EPHB1: variants seen among roughly 807,000 people sequenced by gnomAD.
EPHB1 encodes the protein EPH receptor B1.
Under a neutral mutation model 94.4 loss-of-function variants are expected in EPHB1, and 30 were observed. The observed-to-expected ratio is 0.32, with a 90% CI of 0.24 to 0.43. EPHB1 has a LOEUF of 0.43. Ranked by LOEUF, EPHB1 falls within the 20% of genes least tolerant of loss-of-function variation. The pLI, the probability that EPHB1 is intolerant of heterozygous loss-of-function variation, is 1.00. For missense variants in EPHB1, 1,055 were observed against 1,308.3 expected, an observed-to-expected ratio of 0.81 and a Z score of 2.99; for synonymous variants, 522 against 489.1, an observed-to-expected ratio of 1.07 and a Z score of -0.89.
At chr3:134,990,080 C>T (rs188785642) in intron 3 of EPHB1, among the ~76,000 whole-genome samples, 12 of 152,144 alleles carry the variant, frequency 7.9e-5, no homozygotes, top group African/African-American at 2.7e-4. Flanking sequence ...TTTCTCCTTA[C>T]CAAATTCATT....
chr3:135,241,445 A>G, intron 13 of EPHB1, 148 bp downstream of exon 13: 1 of 1,031,688 alleles, frequency 9.7e-7, no homozygotes, highest in African/African-American at 1.6e-5. Context: ...CACCCTTAGC[A>G]TGGATGTTGG....
At chr3:135,053,025 G>GTATCTATA (rs1389207071) in intron 3 of EPHB1, among the ~76,000 whole-genome samples, 1 of 90,642 alleles carries the variant, frequency 1.1e-5, no homozygotes, top group Admixed American at 1.1e-4. Context: ...GTGTGTGTGT[G>GTATCTATA]TGTATATATA....
chr3:134,976,852 C>G (rs1044006674), intron 3 of EPHB1, among the ~76,000 whole-genome samples: 14 of 152,184 alleles, frequency 9.2e-5, no homozygotes, highest in African/African-American at 3.4e-4. Context: ...TTGCACCCAG[C>G]CTCCCAGTAG....
chr3:135,145,054 A>T (rs1199368454), intron 5 of EPHB1, among the ~76,000 whole-genome samples: 3 of 152,250 alleles, frequency 2.0e-5, no homozygotes, highest in Admixed American at 6.5e-5. Flanking sequence ...TTTGACCAGA[A>T]GTGTTACTGC....
At chr3:135,221,245 T>C (rs1943274653) in intron 12 of EPHB1, among the ~76,000 whole-genome samples, 1 of 152,152 alleles carries the variant, frequency 6.6e-6, no homozygotes, top group Admixed American at 6.5e-5. Flanking sequence ...TCTTCCCAAT[T>C]TTCTTCCCAT....
chr3:135,198,471 T>C (rs2107712049), intron 11 of EPHB1, among the ~76,000 whole-genome samples: 1 of 152,372 alleles, frequency 6.6e-6, no homozygotes, highest in Non-Finnish European at 1.5e-5. Flanking sequence ...AGCCAAAGTT[T>C]AGGCCTGCAT....
chr3:134,882,514 T>C (rs1350982705), intron 1 of EPHB1, among the ~76,000 whole-genome samples: 1 of 152,190 alleles, frequency 6.6e-6, no homozygotes, highest in East Asian at 1.9e-4. Flanking sequence ...ATTAAAGCTA[T>C]AAAAAATTCC....
intron 1 of EPHB1, among the ~76,000 whole-genome samples, chr3:134,798,432 T>C (rs2035872418): frequency 6.6e-6 from 1 of 152,166 alleles, no homozygotes; most frequent in African/African-American, 2.4e-5. Flanking sequence ...GACTGTTGGC[T>C]TAGGGTGTAG....
intron 3 of EPHB1, among the ~76,000 whole-genome samples, chr3:135,057,339 C>T (rs984897578): frequency 6.6e-4 from 101 of 152,114 alleles, no homozygotes; most frequent in Non-Finnish European, 1.4e-3. Context: ...CCTCAGTGTC[C>T]ACCACTGAGG....
At chr3:134,961,305 G>T (rs1213821243) in intron 3 of EPHB1, among the ~76,000 whole-genome samples, 2 of 152,124 alleles carry the variant, frequency 1.3e-5, no homozygotes, top group Admixed American at 1.3e-4. Flanking sequence ...AGCCTCGAAG[G>T]ACAGCGAGTC....
rs574436900 is a variant in EPHB1, at chr3:135,246,790, C to T, written c.2497-1526C>T. The stretch of plus-strand genomic sequence containing the variant: ...CCAGTCACTGGATTTTTAAATATAG[C>T]GATAAAATTGATGTGGTTTGTATGC... On this transcript the variant is annotated intron_variant, in intron 13 of 15. Transcript: ENST00000398015. Among the ~76,000 whole-genome samples, 7 of 152,170 alleles carry T rather than the reference C, an allele frequency of 4.6e-5. No homozygotes were observed. The East Asian group carries it at 5.8e-4, about 13-fold the overall frequency.
At position 135,208,292 on chromosome 3, in the gene EPHB1, TGTGTGTGTGTGTG is replaced by T. The variant is rs1559875512; in HGVS notation, c.2346+6604_2346+6616del. On this transcript the variant is annotated intron_variant, in intron 12 of 15. Coordinates refer to ENST00000398015, the MANE Select transcript of EPHB1 (RefSeq NM_004441.5). ...GAGCAATGGGAAACCTTTCATGACG[TGTGTGTGTGTGTG>T]TGTGTGTGTGTGTGTGTGTGTGTGT... Among the ~76,000 whole-genome samples the T allele has an allele frequency of 3.5e-3, 380 of 109,114 alleles. 1 individual carries two copies. The highest frequency in any genetic ancestry group is 8.7e-3 in the East Asian group (39 of 4,506). The allele number at this position is 109,114 out of a possible 152,430, so 71.6% of individuals were successfully genotyped here.
chr3:135,136,984 C>T (rs941861594), intron 5 of EPHB1, among the ~76,000 whole-genome samples: 2 of 152,152 alleles, frequency 1.3e-5, no homozygotes, highest in Admixed American at 6.5e-5. Flanking sequence ...GGCATCTGGC[C>T]CCAGATTCAG....
At chr3:135,113,202 T>G (rs766988294) in intron 4 of EPHB1, among the ~76,000 whole-genome samples, 9 of 152,202 alleles carry the variant, frequency 5.9e-5, no homozygotes, top group Non-Finnish European at 1.3e-4. Context: ...TACATCTGGA[T>G]GCAAAAGAAA....
chr3:135,123,752 G>A (rs1021625789), intron 4 of EPHB1, among the ~76,000 whole-genome samples: 1 of 148,146 alleles, frequency 6.8e-6, no homozygotes, highest in African/African-American at 2.7e-5. Context: ...TAGTGACATA[G>A]TATCTGTAAA....
At position 134,828,224 on chromosome 3, in the gene EPHB1, G is replaced by A. The variant is rs778835494; in HGVS notation, c.58+32535G>A. Among the ~76,000 whole-genome samples the A allele has an allele frequency of 3.0e-4, 46 of 152,106 alleles. 1 individual carries two copies. The highest frequency in any genetic ancestry group is 2.2e-4 in the Non-Finnish European group (15 of 68,024). On this transcript the variant is annotated intron_variant, in intron 1 of 15. Transcript: ENST00000398015. Reference sequence around the variant, plus strand: ...TTGGCATTTGGGGCTTTTGGTGAAGGGTTGTTGAAAATCACTGCAGCAAAG... The same window carrying A: ...TTGGCATTTGGGGCTTTTGGTGAAGAGTTGTTGAAAATCACTGCAGCAAAG...
At chr3:134,817,645 T>G (rs1001776319) in intron 1 of EPHB1, among the ~76,000 whole-genome samples, 1 of 152,212 alleles carries the variant, frequency 6.6e-6, no homozygotes, top group African/African-American at 2.4e-5. Context: ...TACCTGTCCA[T>G]TGGGGATGAT....
chr3:135,079,943 C>T (rs1938100800), intron 3 of EPHB1, among the ~76,000 whole-genome samples: 1 of 152,016 alleles, frequency 6.6e-6, no homozygotes, highest in South Asian at 2.1e-4. Context: ...CAGCGGGGTA[C>T]CTGGAACTTA....
intron 3 of EPHB1, among the ~76,000 whole-genome samples, chr3:134,992,499 C>T (rs1934847636): frequency 6.6e-6 from 1 of 152,220 alleles, no homozygotes; most frequent in Non-Finnish European, 1.5e-5. Context: ...GACAACCATG[C>T]CACAAATACT....
Sources: gnomAD v4.1 joint callset for allele counts (sites outside exome capture counted in the v4.1 genomes callset) on GRCh38, gnomAD v4.1.1 for gene constraint, MANE v1.5 for transcripts, NCBI Gene and HGNC (gene_info 2026-07-23, HGNC 2026-07-21) for gene names.